Variants in CLEC2D observed in about 807,000 individuals in gnomAD.
The protein encoded by CLEC2D is C-type lectin related f.
Under a neutral mutation model 20.0 loss-of-function variants are expected in CLEC2D, and 16 were observed. The observed-to-expected ratio is 0.80, with a 90% CI of 0.54 to 1.22. CLEC2D has a LOEUF of 1.22. CLEC2D is among the 50% of genes most tolerant of loss of function. The pLI is 0.00. For missense variants in CLEC2D, 207 were observed against 221.5 expected (o/e 0.93, Z 0.42); for synonymous variants, 77 against 71.1 (o/e 1.08, Z -0.42).
chr12:9,670,682 C>G (rs1285703455), intron 1 of CLEC2D, among the ~76,000 whole-genome samples: 1 of 152,110 alleles, frequency 6.6e-6, no homozygotes, highest in Non-Finnish European at 1.5e-5. Flanking sequence ...TTTAGTTAGA[C>G]TGGATCTTAT....
intron 1 of CLEC2D, among the ~76,000 whole-genome samples, chr12:9,674,722 A>T (rs754053342): frequency 6.6e-6 from 1 of 152,176 alleles, no homozygotes; most frequent in Non-Finnish European, 1.5e-5. Context: ...CATTATTTTA[A>T]CTTGCAATTC....
intron 1 of CLEC2D, among the ~76,000 whole-genome samples, chr12:9,674,585 C>G (rs1325506916): frequency 6.6e-6 from 1 of 152,216 alleles, no homozygotes; most frequent in African/African-American, 2.4e-5. Flanking sequence ...AAGAAACTGC[C>G]AAAGTGGCTG....
chr12:9,690,463 C>T (rs1268595487), intron 3 of CLEC2D, among the ~76,000 whole-genome samples: 2 of 151,894 alleles, frequency 1.3e-5, no homozygotes, highest in Non-Finnish European at 2.9e-5. Context: ...AAATATAAAA[C>T]CCAGAATTAC....
chr12:9,674,054 G>A (rs1459471025), intron 1 of CLEC2D: 2 of 152,354 alleles, frequency 1.3e-5, no homozygotes, highest in Admixed American at 1.3e-4. Flanking sequence ...TGAGACTGCT[G>A]GGCTCTCCTC....
chr12:9,674,278 C>G (rs963252146), intron 1 of CLEC2D: 3 of 152,224 alleles, frequency 2.0e-5, no homozygotes, highest in African/African-American at 7.2e-5. Flanking sequence ...CTGCAGATTG[C>G]AAAAATCTGT....
At chr12:9,671,524 A>G (rs1378411103) in intron 1 of CLEC2D, among the ~76,000 whole-genome samples, 1 of 152,210 alleles carries the variant, frequency 6.6e-6, no homozygotes, top group Admixed American at 6.5e-5. Flanking sequence ...CCGGCCGAGG[A>G]TTAACCTTTC....
At chr12:9,674,866 A>G (rs1865490852) in intron 1 of CLEC2D, among the ~76,000 whole-genome samples, 2 of 152,160 alleles carry the variant, frequency 1.3e-5, no homozygotes. Context: ...TTGGTATTAT[A>G]TTTAAAAAGT....
In CLEC2D at chr12:9,684,491, C is replaced by T. The variant is rs1320790016; in HGVS notation, c.173-3411C>T. On this transcript the variant is annotated intron_variant, in intron 2 of 4. Coordinates refer to ENST00000290855, the MANE Select transcript of CLEC2D (RefSeq NM_013269.6). ...AAAGGGAATGCTTCCAGCTTTTGGC[C>T]ACTCAGTATGATATTCGCTATGAGT... Among the ~76,000 whole-genome samples the T allele has an allele frequency of 2.6e-5, 4 of 152,100 alleles. No homozygotes were observed. The East Asian group carries it at 5.8e-4, about 22-fold the overall frequency.
intron 2 of CLEC2D, 79 bp from the exon 3 acceptor site, chr12:9,687,823 A>G (rs1865780433): frequency 2.4e-6 from 2 of 831,290 alleles, no homozygotes; most frequent in East Asian, 3.2e-5. Flanking sequence ...GTCAGAAAGT[A>G]TATTAGCACT....
intron 2 of CLEC2D, among the ~76,000 whole-genome samples, chr12:9,683,335 G>GTTT (rs1357039664): frequency 0.042 from 470 of 11,142 alleles, 8 homozygotes; most frequent in African/African-American, 0.069. Flanking sequence ...TTTTGTGTTT[G>GTTT]TTTTTTTTTT....
chr12:9,673,980 C>T (rs1337088886), intron 1 of CLEC2D: 4 of 152,514 alleles, frequency 2.6e-5, no homozygotes, highest in African/African-American at 9.6e-5. Context: ...ACTCTGCTGG[C>T]AGCAGGGATC....
rs1210063798 is a variant in CLEC2D at position 9,695,458 on chromosome 12, C to A, written c.*584C>A. ...ATCTTTTCAGTTGTGAACTAAAGGC[C>A]GACAAAGATGATCACTTTAAGGTGG... On this transcript the variant is annotated 3_prime_UTR_variant, in exon 5 of 5. Coordinates refer to ENST00000290855, the MANE Select transcript of CLEC2D (RefSeq NM_013269.6). 1 of 1,334,912 alleles carries A rather than the reference C, an allele frequency of 7.5e-7. No homozygotes were observed. Among genetic ancestry groups the A allele is most frequent in the Non-Finnish European group, 1.1e-6 (1 of 942,660 alleles). The allele number at this position is 1,334,912 out of a possible 1,614,324, so 82.7% of individuals were successfully genotyped here. A position where few individuals can be genotyped will look rare whatever the true frequency, so the allele number is the denominator to read the frequency against.
chr12:9,686,835 A>G (rs1042727438), intron 2 of CLEC2D, among the ~76,000 whole-genome samples: 1 of 152,244 alleles, frequency 6.6e-6, no homozygotes. Flanking sequence ...TTCAAAGTGT[A>G]GAAAACCTCA....
intron 1 of CLEC2D, 73 bp downstream of exon 1, chr12:9,669,868 A>G: frequency 8.3e-7 from 1 of 1,209,882 alleles, no homozygotes; most frequent in Non-Finnish European, 1.2e-6. Flanking sequence ...GGGCTCACAC[A>G]GGAAAGGTGC....
Position 9,695,270 on chromosome 12 carries a change from C to A in CLEC2D, c.*396C>A. ...TATACAACCATCAGATATCTTGAGA[C>A]AAGAACAGTATGGGGCTCCCTGGTG... is the stretch of plus-strand genomic sequence containing the variant. On this transcript the variant is annotated 3_prime_UTR_variant, in exon 5 of 5. Coordinates refer to ENST00000290855, the MANE Select transcript of CLEC2D (RefSeq NM_013269.6). The A allele has an allele frequency of 1.5e-6, 1 of 681,250 alleles. No individual in the cohort carries two copies. Among genetic ancestry groups the A allele is most frequent in the Admixed American group, 2.1e-5 (1 of 46,706 alleles). 42.2% of individuals were successfully genotyped at this position (681,250 alleles called of 1,614,324 possible).
At position 9,695,747 on chromosome 12, in the gene CLEC2D, G is replaced by T; in HGVS notation, c.*873G>T. Reference sequence around the variant, plus strand: ...CAGCACTTAGTAGCTGTGAAGGAAGGTGCAGAGTCAGAAGATGAAGAAGAG... The same window carrying T: ...CAGCACTTAGTAGCTGTGAAGGAAGTTGCAGAGTCAGAAGATGAAGAAGAG... On this transcript the variant is annotated 3_prime_UTR_variant, in exon 5 of 5. Transcript: ENST00000290855. 2.1e-6 allele frequency: 3 copies of T among 1,425,786 alleles called. No homozygotes were observed. In the South Asian group the frequency reaches 3.4e-5, roughly 16 times the overall value. 88.3% of individuals were successfully genotyped at this position (1,425,786 alleles called of 1,614,324 possible). A position where few individuals can be genotyped will look rare whatever the true frequency, so the allele number is the denominator to read the frequency against.
At chr12:9,686,924 G>A (rs182851963) in intron 2 of CLEC2D, among the ~76,000 whole-genome samples, 2 of 152,192 alleles carry the variant, frequency 1.3e-5, no homozygotes, top group East Asian at 1.9e-4. Context: ...CATATACAAG[G>A]CTTTTTCACA....
intron 2 of CLEC2D, among the ~76,000 whole-genome samples, chr12:9,684,466 A>T (rs924283413): frequency 6.6e-6 from 1 of 152,226 alleles, no homozygotes; most frequent in African/African-American, 2.4e-5. Flanking sequence ...GCCAGTTTAC[A>T]AAGGGAATGC....
intron 2 of CLEC2D, among the ~76,000 whole-genome samples, chr12:9,686,807 C>G (rs1010758000): frequency 9.9e-5 from 15 of 152,188 alleles, no homozygotes; most frequent in Non-Finnish European, 2.2e-4. Flanking sequence ...AAAGCCTGTC[C>G]AGTGAAGTAT....
Sources: gnomAD v4.1 joint callset for allele counts (sites outside exome capture counted in the v4.1 genomes callset) on GRCh38, gnomAD v4.1.1 for gene constraint, MANE v1.5 for transcripts, NCBI Gene and HGNC (gene_info 2026-07-23, HGNC 2026-07-21) for gene names.